MMP26: variants seen among roughly 807,000 people sequenced by gnomAD.
MMP26 encodes the protein matrix metalloproteinase-26.
Under a neutral mutation model 31.0 loss-of-function variants are expected in MMP26, and 33 were observed. The observed-to-expected ratio is 1.06, with a 90% CI of 0.81 to 1.42. The LOEUF is 1.42. Ranked by LOEUF, MMP26 falls within the 40% of genes most tolerant of loss-of-function variation. MMP26 has a pLI of 0.00. For missense variants in MMP26, 347 were observed against 316.1 expected (o/e 1.10, Z -0.74); for synonymous variants, 122 against 114.9 (o/e 1.06, Z -0.40).
intron 2 of MMP26, among the ~76,000 whole-genome samples, chr11:4,926,470 A>G (rs1157325425): frequency 6.6e-6 from 1 of 152,192 alleles, no homozygotes; most frequent in Non-Finnish European, 1.5e-5. Flanking sequence ...CCATCAATAA[A>G]AGAGAAATTC....
chr11:4,818,110 AG>A (rs1263634974), intron 2 of MMP26, among the ~76,000 whole-genome samples: 4 of 152,222 alleles, frequency 2.6e-5, no homozygotes, highest in Non-Finnish European at 5.9e-5. Flanking sequence ...CTTAGACTAA[AG>A]GGTGTAGGAA....
At chr11:4,843,399 C>T (rs1475256348) in intron 2 of MMP26, among the ~76,000 whole-genome samples, 2 of 152,218 alleles carry the variant, frequency 1.3e-5, no homozygotes, top group Admixed American at 6.5e-5. Context: ...GGTAGAGGCT[C>T]CCAAACCTAA....
chr11:4,934,134 C>A (rs376133074), intron 2 of MMP26, among the ~76,000 whole-genome samples: 47 of 126,358 alleles, frequency 3.7e-4, no homozygotes, highest in Non-Finnish European at 4.4e-4. Flanking sequence ...TTCTAGATCC[C>A]TGAGGAATCG....
At position 4,812,569 on chromosome 11, in the gene MMP26, C is replaced by G. The variant is rs140871479; in HGVS notation, c.-145+45228C>G. Among the ~76,000 whole-genome samples the G allele has an allele frequency of 2.5e-4, 38 of 152,284 alleles. No homozygotes were observed. In the East Asian group the frequency reaches 6.9e-3, roughly 28 times the overall value. ...AGGATATGATCACATTCTTGTGAGG[C>G]TTTGATTAGGCTACCGAATCCAGTA... On this transcript the variant is annotated intron_variant, in intron 2 of 7. Transcript: ENST00000380390.
chr11:4,777,556 C>T (rs1848805736), intron 2 of MMP26, among the ~76,000 whole-genome samples: 1 of 152,068 alleles, frequency 6.6e-6, no homozygotes, highest in African/African-American at 2.4e-5. Flanking sequence ...CATGTTACCA[C>T]CATCCAGATA....
At chr11:4,859,077 T>C (rs1461706859) in intron 2 of MMP26, among the ~76,000 whole-genome samples, 2 of 152,312 alleles carry the variant, frequency 1.3e-5, no homozygotes, top group South Asian at 2.1e-4. Flanking sequence ...TAATTCAAGA[T>C]GGATTAAAGA....
intron 2 of MMP26, among the ~76,000 whole-genome samples, chr11:4,920,975 A>G (rs1003894336): frequency 5.3e-5 from 8 of 152,186 alleles, no homozygotes; most frequent in Non-Finnish European, 1.0e-4. Flanking sequence ...TGAACAAGTG[A>G]ATATTTATTG....
intron 1 of MMP26, among the ~76,000 whole-genome samples, chr11:4,719,949 A>G (rs1847988599): frequency 1.3e-5 from 2 of 152,208 alleles, no homozygotes. Flanking sequence ...CTGCTCTCAA[A>G]TGGGAATAAA....
intron 2 of MMP26, among the ~76,000 whole-genome samples, chr11:4,965,560 A>G (rs889939101): frequency 2.0e-5 from 3 of 152,180 alleles, no homozygotes; most frequent in African/African-American, 7.2e-5. Context: ...GTCAATATTA[A>G]TCTTTCTTTG....
intron 2 of MMP26, chr11:4,769,673 G>T (rs766999466): frequency 1.9e-6 from 3 of 1,612,762 alleles, no homozygotes; most frequent in Non-Finnish European, 2.5e-6. Context: ...ACCTAATGTT[G>T]TTGACAATGA....
rs773522707 is a variant in MMP26 at position 4,821,846 on chromosome 11, G to A, written c.-145+54505G>A. 34 of 1,613,352 alleles carry A rather than the reference G, an allele frequency of 2.1e-5. No homozygotes were observed. The highest frequency in any genetic ancestry group is 6.7e-5 in the African/African-American group (5 of 74,854). ...TACACTACCATCCTTACCAATGCCCGAATTGCCAAGATTGGGATGAGCATG... is the reference window on the plus strand; with the variant it reads ...TACACTACCATCCTTACCAATGCCCAAATTGCCAAGATTGGGATGAGCATG... On this transcript the variant is annotated intron_variant, in intron 2 of 7. Transcript: ENST00000380390.
At chr11:4,780,016 A>T (rs1397002986) in intron 2 of MMP26, among the ~76,000 whole-genome samples, 1 of 152,132 alleles carries the variant, frequency 6.6e-6, no homozygotes, top group Non-Finnish European at 1.5e-5. Flanking sequence ...ATGTTGCTGT[A>T]TGTAGTAGTT....
At chr11:4,989,897 T>C (rs1318788099) in intron 4 of MMP26, 29 bp downstream of exon 4, 2 of 1,565,116 alleles carry the variant, frequency 1.3e-6, no homozygotes, top group Non-Finnish European at 1.7e-6. Flanking sequence ...TAGAGGATAA[T>C]GTGTGGGGTG....
At position 4,848,992 on chromosome 11, in the gene MMP26, A is replaced by G. The variant is rs1231016603; in HGVS notation, c.-145+81651A>G. 6 of 1,614,054 alleles carry G rather than the reference A, an allele frequency of 3.7e-6. No homozygotes were observed. In the African/African-American group the frequency reaches 4.0e-5, roughly 11 times the overall value. ...AATCCAATATCAGACACACTAAGCAAGAAGAGGAAGAAGTGCATTGGGCGG... is the reference window on the plus strand; with the variant it reads ...AATCCAATATCAGACACACTAAGCAGGAAGAGGAAGAAGTGCATTGGGCGG... On this transcript the variant is annotated intron_variant, in intron 2 of 7. Transcript: ENST00000380390.
intron 2 of MMP26, among the ~76,000 whole-genome samples, chr11:4,833,579 T>A (rs1849675050): frequency 6.6e-6 from 1 of 152,216 alleles, no homozygotes; most frequent in Non-Finnish European, 1.5e-5. Flanking sequence ...AGCAACAGCA[T>A]TACCTAGAAA....
At chr11:4,789,281 G>A (rs1472971389) in intron 2 of MMP26, among the ~76,000 whole-genome samples, 1 of 152,070 alleles carries the variant, frequency 6.6e-6, no homozygotes, top group Admixed American at 6.6e-5. Flanking sequence ...TGTTTCTAAA[G>A]CCTCTTCTCT....
chr11:4,960,924 C>T (rs1043429018), intron 2 of MMP26, among the ~76,000 whole-genome samples: 1 of 152,016 alleles, frequency 6.6e-6, no homozygotes, highest in African/African-American at 2.4e-5. Context: ...AGCAAACAAA[C>T]AGTATACATA....
At chr11:4,769,989 T>C (rs1396284353) in intron 2 of MMP26, 1 of 735,140 alleles carries the variant, frequency 1.4e-6, no homozygotes, top group East Asian at 2.7e-5. Context: ...AAGTGTTATG[T>C]AAAATATTTA....
intron 2 of MMP26, chr11:4,943,881 T>A (rs1481826979): frequency 4.5e-6 from 2 of 447,810 alleles, no homozygotes; most frequent in Non-Finnish European, 4.5e-6. Flanking sequence ...AAAATACAGA[T>A]GATCTTTGAT....
Sources: gnomAD v4.1 joint callset for allele counts (sites outside exome capture counted in the v4.1 genomes callset) on GRCh38, gnomAD v4.1.1 for gene constraint, MANE v1.5 for transcripts, NCBI Gene and HGNC (gene_info 2026-07-23, HGNC 2026-07-21) for gene names.